The following RSRC1 variants were observed in gnomAD, a reference collection of about 807,000 sequenced individuals.
The protein encoded by RSRC1 is serine/Arginine-related protein 53.
Under a neutral mutation model 49.1 loss-of-function variants are expected in RSRC1, and 39 were observed. That is an observed-to-expected ratio of 0.79 (90% CI 0.61 to 1.04). The LOEUF (loss-of-function observed/expected upper bound fraction) is 1.04. Among genes scored for constraint, RSRC1 ranks in the 50% least tolerant of loss-of-function variants. The pLI is 0.00. For missense variants in RSRC1, 388 were observed against 402.4 expected (o/e 0.96, Z 0.31); for synonymous variants, 143 against 130.8 (o/e 1.09, Z -0.63).
chr3:158,228,491 C>G (rs1206546963), intron 4 of RSRC1, among the ~76,000 whole-genome samples: 6 of 151,816 alleles, frequency 4.0e-5, no homozygotes, highest in Admixed American at 6.6e-5. Context: ...TTCTTATATT[C>G]TGAAACTAAT....
intron 4 of RSRC1, among the ~76,000 whole-genome samples, chr3:158,232,571 C>A (rs1356905021): frequency 2.0e-5 from 3 of 152,054 alleles, no homozygotes; most frequent in Non-Finnish European, 2.9e-5. Context: ...GTTTCAGTGT[C>A]CAAGGACAGT....
intron 3 of RSRC1, among the ~76,000 whole-genome samples, chr3:158,190,585 C>A (rs573474836): frequency 1.4e-5 from 2 of 147,540 alleles, no homozygotes; most frequent in South Asian, 4.2e-4. Context: ...AGATAATAGT[C>A]ATTTCATATC....
intron 7 of RSRC1, among the ~76,000 whole-genome samples, chr3:158,516,439 A>C (rs1406709819): frequency 6.6e-6 from 1 of 152,030 alleles, no homozygotes; most frequent in Non-Finnish European, 1.5e-5. Context: ...CCACTTGAGG[A>C]GGCAGTCTGC....
intron 7 of RSRC1, among the ~76,000 whole-genome samples, chr3:158,507,945 C>T (rs954765788): frequency 2.0e-4 from 30 of 152,004 alleles, no homozygotes; most frequent in African/African-American, 4.1e-4. Context: ...TGGGGGCACA[C>T]GCCTGCAATC....
chr3:158,120,648 A>G (rs1265398979), intron 1 of RSRC1, among the ~76,000 whole-genome samples: 1 of 147,196 alleles, frequency 6.8e-6, no homozygotes, highest in African/African-American at 2.5e-5. Context: ...CATACTATAC[A>G]TAATATATAT....
chr3:158,230,680 A>T (rs698991), intron 4 of RSRC1, among the ~76,000 whole-genome samples: 93,340 of 152,000 alleles, frequency 0.61, 29,034 homozygotes, highest in East Asian at 0.73. Flanking sequence ...ATACAGAATT[A>T]TAATATTTTT....
chr3:158,478,226 G>C (rs950056159), intron 7 of RSRC1, among the ~76,000 whole-genome samples: 1 of 151,258 alleles, frequency 6.6e-6, no homozygotes, highest in African/African-American at 2.4e-5. Context: ...TTAGACCTAG[G>C]TTTTGGGGTT....
intron 7 of RSRC1, among the ~76,000 whole-genome samples, chr3:158,528,098 T>C (rs983648984): frequency 2.0e-5 from 3 of 151,906 alleles, no homozygotes; most frequent in African/African-American, 7.2e-5. Context: ...ATGTTCATTA[T>C]ATATAAAGGT....
intron 6 of RSRC1, among the ~76,000 whole-genome samples, chr3:158,410,496 TTGTC>T (rs1734401323): frequency 1.3e-5 from 2 of 152,168 alleles, no homozygotes; most frequent in East Asian, 1.9e-4. Context: ...ATTTTCATGA[TTGTC>T]TGATGTTTCT....
intron 3 of RSRC1, chr3:158,132,352 A>G: frequency 6.5e-6 from 1 of 153,728 alleles, no homozygotes; most frequent in Non-Finnish European, 1.5e-5. Context: ...CTAATTTATC[A>G]TATTTTAGTA....
At chr3:158,520,513 A>G (rs1481229810) in intron 7 of RSRC1, among the ~76,000 whole-genome samples, 1 of 152,160 alleles carries the variant, frequency 6.6e-6, no homozygotes. Context: ...TATCTTTTAA[A>G]TCCATTTCCT....
chr3:158,311,749 T>C (rs1728142498), intron 5 of RSRC1, among the ~76,000 whole-genome samples: 4 of 152,086 alleles, frequency 2.6e-5, no homozygotes, highest in South Asian at 4.1e-4. Flanking sequence ...TATAAGGTAA[T>C]AGATATGTTA....
intron 4 of RSRC1, among the ~76,000 whole-genome samples, chr3:158,234,698 T>C (rs1391389450): frequency 6.6e-6 from 1 of 152,156 alleles, no homozygotes; most frequent in African/African-American, 2.4e-5. Flanking sequence ...GTTCCTCTTT[T>C]CTTCACTTAA....
At chr3:158,471,037 G>A (rs534085341) in intron 7 of RSRC1, among the ~76,000 whole-genome samples, 2 of 152,180 alleles carry the variant, frequency 1.3e-5, no homozygotes, top group Non-Finnish European at 2.9e-5. Context: ...TAGAGCCCAG[G>A]CTTTAAAAGT....
At chr3:158,239,116 A>G (rs1723415177) in intron 4 of RSRC1, among the ~76,000 whole-genome samples, 1 of 152,252 alleles carries the variant, frequency 6.6e-6, no homozygotes, top group South Asian at 2.1e-4. Context: ...AAAAATGCTC[A>G]TCATCACTGG....
Position 158,118,460 on chromosome 3 carries a change from T to TGCGC in RSRC1, c.-2-3642_-2-3641insCGCG, listed in dbSNP as rs1489357796. On this transcript the variant is annotated intron_variant, in intron 1 of 9. Coordinates refer to ENST00000611884, the MANE Select transcript of RSRC1 (RefSeq NM_001271838.2). Reference sequence around the variant, plus strand: ...GTGTGTGTGTGTGTGTGTGTGTGTGTGTGCGCGTGCGCGTGGTTTTTTTAA... The same window carrying TGCGC: ...GTGTGTGTGTGTGTGTGTGTGTGTGTGCGCGTGCGCGTGCGCGTGGTTTTTTTAA... 1.5e-3 allele frequency among the ~76,000 whole-genome samples: 159 copies of TGCGC among 105,016 alleles called. 3 individuals are homozygous for TGCGC. Among genetic ancestry groups the TGCGC allele is most frequent in the African/African-American group, 5.3e-3 (121 of 22,948 alleles). 68.9% of individuals were successfully genotyped at this position (105,016 alleles called of 152,430 possible).
intron 7 of RSRC1, among the ~76,000 whole-genome samples, chr3:158,501,392 A>C (rs894458044): frequency 6.6e-6 from 1 of 152,170 alleles, no homozygotes; most frequent in Non-Finnish European, 1.5e-5. Context: ...TCCAAGGTAT[A>C]GTTTAAATCC....
chr3:158,512,354 C>A (rs1203856619), intron 7 of RSRC1, among the ~76,000 whole-genome samples: 2 of 142,176 alleles, frequency 1.4e-5, no homozygotes, highest in Admixed American at 7.1e-5. Context: ...TTTCCCAGCA[C>A]CATTTATTAA....
chr3:158,386,108 T>C (rs1474590816), intron 6 of RSRC1, among the ~76,000 whole-genome samples: 8 of 152,108 alleles, frequency 5.3e-5, no homozygotes, highest in African/African-American at 1.9e-4. Flanking sequence ...TTACAAGTTA[T>C]TGAGTGGATA....
Sources: gnomAD v4.1 joint callset for allele counts (sites outside exome capture counted in the v4.1 genomes callset) on GRCh38, gnomAD v4.1.1 for gene constraint, MANE v1.5 for transcripts, NCBI Gene and HGNC (gene_info 2026-07-23, HGNC 2026-07-21) for gene names.